The following CHST12 variants were observed in gnomAD, a reference collection of about 807,000 sequenced individuals.
CHST12 encodes the protein carbohydrate sulfotransferase 12.
In CHST12, 23 loss-of-function variants were observed where a neutral mutation model predicts 27.9. That is an observed-to-expected ratio of 0.82 (90% confidence interval 0.59 to 1.17). CHST12 has a LOEUF of 1.17. Among genes scored for constraint, CHST12 ranks in the 50% most tolerant of loss-of-function variants. The pLI is 0.00. For synonymous variants in CHST12, 322 were observed against 273.0 expected, an observed-to-expected ratio of 1.18 and a Z score of -1.77; for missense variants, 682 against 603.0, an observed-to-expected ratio of 1.13 and a Z score of -1.37.
intron 1 of CHST12, among the ~76,000 whole-genome samples, chr7:2,417,815 G>A (rs1480413617): frequency 1.3e-5 from 2 of 152,226 alleles, no homozygotes; most frequent in East Asian, 3.8e-4. Flanking sequence ...CATGCTCACA[G>A]ACGCAGTCAG....
In CHST12 at chr7:2,434,114, C is replaced by CCGCCCGCCCGCT. The variant is rs558342050; in HGVS notation, c.*238_*249dup. 2 of 384,144 alleles carry CCGCCCGCCCGCT rather than the reference C, an allele frequency of 5.2e-6. No individual in the cohort carries two copies. The highest frequency in any genetic ancestry group is 9.0e-5 in the East Asian group (2 of 22,246). The allele number at this position is 384,144 out of a possible 1,614,324, so 23.8% of individuals were successfully genotyped here. On this transcript the variant is annotated 3_prime_UTR_variant, in exon 2 of 2. Transcript: ENST00000618655. ...TCCCCTCTCCCCTCCGCCCGCCCAC[C>CCGCCCGCCCGCT]CGCCCGCCCGCTCGCCCGCTCGCCC...
intron 1 of CHST12, among the ~76,000 whole-genome samples, chr7:2,427,427 GGA>G: frequency 6.6e-6 from 1 of 151,734 alleles, no homozygotes; most frequent in Non-Finnish European, 1.5e-5. Flanking sequence ...CTTGAGCCTA[GGA>G]GGTCAAGGCT....
intron 1 of CHST12, among the ~76,000 whole-genome samples, chr7:2,412,963 CAT>C (rs1172913673): frequency 5.3e-5 from 8 of 151,264 alleles, no homozygotes; most frequent in Non-Finnish European, 1.0e-4. Flanking sequence ...AAAAATAACA[CAT>C]ATTTGTGTAA....
At chr7:2,428,191 C>G (rs1776322464) in intron 1 of CHST12, among the ~76,000 whole-genome samples, 1 of 146,606 alleles carries the variant, frequency 6.8e-6, no homozygotes, top group African/African-American at 2.6e-5. Flanking sequence ...GTAGCTTTCT[C>G]TCTCTCTTTT....
chr7:2,413,017 C>T lies in CHST12; in HGVS notation c.-78+9344C>T, dbSNP rs1040113699. On this transcript the variant is annotated intron_variant, in intron 1 of 1. Transcript: ENST00000618655. Reference sequence around the variant, plus strand: ...ATGAAGACAGAGAGATAAGTAAGGCCGGGGCAGATTCTAAAGAAAGTGCTT... The same window carrying T: ...ATGAAGACAGAGAGATAAGTAAGGCTGGGGCAGATTCTAAAGAAAGTGCTT... Among the ~76,000 whole-genome samples the T allele has an allele frequency of 9.9e-5, 15 of 151,876 alleles. No individual in the cohort carries two copies. In the South Asian group the frequency reaches 2.7e-3, roughly 27 times the overall value.
chr7:2,416,410 A>T (rs1344018485), intron 1 of CHST12, among the ~76,000 whole-genome samples: 2 of 152,180 alleles, frequency 1.3e-5, no homozygotes, highest in African/African-American at 2.4e-5. Context: ...GTGAATCCCG[A>T]ATGTTCTTAA....
intron 1 of CHST12, among the ~76,000 whole-genome samples, chr7:2,420,720 G>C (rs1417619468): frequency 6.6e-6 from 1 of 152,116 alleles, no homozygotes; most frequent in African/African-American, 2.4e-5. Flanking sequence ...AGGAGTTCAA[G>C]GCTGCAGTGA....
In CHST12 at chr7:2,438,310, A is replaced by G. The variant is rs1485223894; in HGVS notation, c.*4426A>G. On this transcript the variant is annotated 3_prime_UTR_variant, in exon 2 of 2. Transcript: ENST00000618655. ...CAGAGTCTTCTCCCTAGAGTCTCTG[A>G]AAGGAAGCCTGGGTTCCTGGTGGTG... 2 of 152,322 alleles carry G rather than the reference A, an allele frequency of 1.3e-5. No individual in the cohort carries two copies. The highest frequency in any genetic ancestry group is 2.9e-5 in the Non-Finnish European group (2 of 68,048). The allele number at this position is 152,322 out of a possible 1,614,324, so 9.4% of individuals were successfully genotyped here. A position where few individuals can be genotyped will look rare whatever the true frequency, so the allele number is the denominator to read the frequency against.
In CHST12 at chr7:2,433,755, C is replaced by A. The variant is rs773180842; in HGVS notation, c.1116C>A (p.Thr372=). The change falls in exon 2 of 2, where the codon ACC becomes ACA. Residue 372 remains threonine, a synonymous_variant. Coordinates refer to ENST00000618655, the MANE Select transcript of CHST12 (RefSeq NM_018641.5). The surrounding 1 kb of genome is among the most constrained non-coding windows in gnomAD (Gnocchi z 6.1). ...LRFPPSYRNR[T]ASSWEEDWFA... ...TCCCCCCGAGCTACCGGAACAGGAC[C>A]GCCAGCAGCTGGGAGGAGGACTGGT... 1.2e-6 allele frequency: 2 copies of A among 1,614,000 alleles called. No homozygotes were observed. The highest frequency in any genetic ancestry group is 1.7e-6 in the Non-Finnish European group (2 of 1,180,030).
At chr7:2,409,380 C>T (rs770208416) in intron 1 of CHST12, among the ~76,000 whole-genome samples, 33 of 152,012 alleles carry the variant, frequency 2.2e-4, no homozygotes, top group Non-Finnish European at 4.3e-4. Context: ...TTCAGGAGGC[C>T]GAGGCAGGAG....
At chr7:2,417,195 C>T (rs970004010) in intron 1 of CHST12, among the ~76,000 whole-genome samples, 2 of 150,952 alleles carry the variant, frequency 1.3e-5, no homozygotes, top group Non-Finnish European at 2.9e-5. Flanking sequence ...CAAAGACAGG[C>T]AGGCAGAGAG....
chr7:2,407,049 A>G (rs540143867), intron 1 of CHST12, among the ~76,000 whole-genome samples: 9 of 152,240 alleles, frequency 5.9e-5, no homozygotes, highest in East Asian at 1.9e-4. Flanking sequence ...AAAAAAAAAA[A>G]TAAAAGCAGA....
rs1036837759 is a variant in CHST12 at position 2,445,702 on chromosome 7, T to G, written c.*11818T>G. On this transcript the variant is annotated 3_prime_UTR_variant, in exon 2 of 2. Coordinates refer to ENST00000618655, the MANE Select transcript of CHST12 (RefSeq NM_018641.5). ...ACGTTGGCCTCCAAAGTGCTAGGAT[T>G]ATAAGTGTGAGCCACCACACCAGGC... 1 of 152,184 alleles carries G rather than the reference T, an allele frequency of 6.6e-6. No individual in the cohort carries two copies. The highest frequency in any genetic ancestry group is 1.5e-5 in the Non-Finnish European group (1 of 68,060). The allele number at this position is 152,184 out of a possible 1,614,324, so 9.4% of individuals were successfully genotyped here.
chr7:2,413,408 T>C (rs1000007783), intron 1 of CHST12, among the ~76,000 whole-genome samples: 1 of 152,256 alleles, frequency 6.6e-6, no homozygotes, highest in African/African-American at 2.4e-5. Flanking sequence ...ATGATTTACA[T>C]GCAATAAAAC....
intron 1 of CHST12, among the ~76,000 whole-genome samples, chr7:2,407,888 A>G (rs1781563479): frequency 6.6e-6 from 1 of 152,114 alleles, no homozygotes; most frequent in Non-Finnish European, 1.5e-5. Flanking sequence ...AGATCGTGCC[A>G]CTGCACTCCA....
intron 1 of CHST12, among the ~76,000 whole-genome samples, chr7:2,405,720 G>A (rs1352182694): frequency 6.6e-6 from 1 of 152,122 alleles, no homozygotes; most frequent in Non-Finnish European, 1.5e-5. Flanking sequence ...GAGATGTGGC[G>A]ACCTGTAACA....
Position 2,432,598 on chromosome 7 carries a change from G to T in CHST12, c.-42G>T. The stretch of plus-strand genomic sequence containing the variant: ...GGATGCCCCGGCTCTGCAGGAAGCT[G>T]AAGTGAGAGGCCCGGAGAGGGCCCA... On this transcript the variant is annotated 5_prime_UTR_variant, in exon 2 of 2. Coordinates refer to ENST00000618655, the MANE Select transcript of CHST12 (RefSeq NM_018641.5). 1.3e-6 allele frequency: 2 copies of T among 1,571,804 alleles called. No homozygotes were observed. The highest frequency in any genetic ancestry group is 1.7e-6 in the Non-Finnish European group (2 of 1,155,782).
chr7:2,429,991 T>G (rs1229734736), intron 1 of CHST12, among the ~76,000 whole-genome samples: 2 of 152,038 alleles, frequency 1.3e-5, no homozygotes, highest in Non-Finnish European at 2.9e-5. Flanking sequence ...CCATGTTGTC[T>G]AGGCTGGTCT....
chr7:2,406,115 A>G (rs1021665209), intron 1 of CHST12, among the ~76,000 whole-genome samples: 13 of 152,090 alleles, frequency 8.5e-5, no homozygotes, highest in Admixed American at 8.5e-4. Flanking sequence ...ATTTAAAAAA[A>G]CCGTACATCT....
Sources: gnomAD v4.1 joint callset for allele counts (sites outside exome capture counted in the v4.1 genomes callset) on GRCh38, gnomAD v4.1.1 for gene constraint, Gnocchi (gnomAD v3.1) non-coding constraint, MANE v1.5 for transcripts, NCBI Gene and HGNC (gene_info 2026-07-23, HGNC 2026-07-21) for gene names.